The following SLCO1B3 variants were observed in gnomAD, a reference collection of about 807,000 sequenced individuals.
The protein encoded by SLCO1B3 is solute carrier organic anion transporter family member 1B3, also known as liver-specific organic anion transporter 2.
SLCO1B3 carries 72 observed loss-of-function variants against 71.8 expected under a neutral mutation model. That is an observed-to-expected ratio of 1.00 (90% confidence interval 0.83 to 1.22). The LOEUF is 1.22. Among genes scored for constraint, SLCO1B3 ranks in the 50% most tolerant of loss-of-function variants. The probability of loss-of-function intolerance (pLI) is 0.00; values close to 1 mark genes in which losing one functional copy is unlikely to be tolerated. For synonymous variants in SLCO1B3, 298 were observed against 278.4 expected (o/e 1.07, Z -0.70); for missense variants, 911 against 819.7 (o/e 1.11, Z -1.36).
rs184238804 is a variant in SLCO1B3 at position 20,871,093 on chromosome 12, T to A, written c.728-4142T>A. On this transcript the variant is annotated intron_variant, in intron 8 of 15. Coordinates refer to ENST00000381545, the MANE Select transcript of SLCO1B3 (RefSeq NM_019844.4). ...ATTGTTGAATTTGGTTTGTCACTAT[T>A]TTGTTGAGGATATTTGCATCAATAT... Among the ~76,000 whole-genome samples the A allele has an allele frequency of 8.5e-4, 129 of 152,296 alleles. 2 individuals are homozygous for A. The South Asian group carries it at 0.016, about 19-fold the overall frequency.
chr12:20,838,173 CA>C (rs1864723600), intron 3 of SLCO1B3, among the ~76,000 whole-genome samples: 1 of 151,384 alleles, frequency 6.6e-6, no homozygotes, highest in African/African-American at 2.4e-5. Flanking sequence ...GGTACATGTG[CA>C]CAACATGCAG....
At chr12:20,812,558 T>C (rs1220496826) in intron 1 of SLCO1B3, among the ~76,000 whole-genome samples, 1 of 152,208 alleles carries the variant, frequency 6.6e-6, no homozygotes, top group Non-Finnish European at 1.5e-5. Flanking sequence ...TCCATACATC[T>C]GCAAGTGCTT....
rs778497855 is a variant in SLCO1B3 at position 20,880,838 on chromosome 12, C to T, written c.1332-17C>T. ...CTCTTTCTCTTTTTTTGATATATTTCTATCATATATTTTCAGAAATAATTC... is the reference window on the plus strand; with the variant it reads ...CTCTTTCTCTTTTTTTGATATATTTTTATCATATATTTTCAGAAATAATTC... On this transcript the variant is annotated splice_polypyrimidine_tract_variant and intron_variant, in intron 11 of 15. Coordinates refer to ENST00000381545, the MANE Select transcript of SLCO1B3 (RefSeq NM_019844.4). 4.6e-6 allele frequency: 7 copies of T among 1,536,070 alleles called. No homozygotes were observed. The highest frequency in any genetic ancestry group is 6.2e-6 in the Non-Finnish European group (7 of 1,123,956).
At chr12:20,814,845 C>G (rs576209152) in intron 2 of SLCO1B3, among the ~76,000 whole-genome samples, 1 of 151,354 alleles carries the variant, frequency 6.6e-6, no homozygotes, top group Non-Finnish European at 1.5e-5. Flanking sequence ...TACAGTGAGC[C>G]GAGATCACGC....
intron 8 of SLCO1B3, among the ~76,000 whole-genome samples, chr12:20,864,825 C>T (rs956144515): frequency 2.0e-5 from 3 of 152,010 alleles, no homozygotes; most frequent in African/African-American, 7.2e-5. Context: ...ATTTTAATTC[C>T]TACAGGATCC....
chr12:20,910,406 T>C (rs1866349348), intron 15 of SLCO1B3, among the ~76,000 whole-genome samples: 1 of 152,212 alleles, frequency 6.6e-6, no homozygotes, highest in Non-Finnish European at 1.5e-5. Context: ...ATTGTGTTCT[T>C]ACACTTAAGT....
Position 20,897,655 on chromosome 12 carries a change from G to A in SLCO1B3, c.1683-781G>A, listed in dbSNP as rs191520369. On this transcript the variant is annotated intron_variant, in intron 13 of 15. Coordinates refer to ENST00000381545, the MANE Select transcript of SLCO1B3 (RefSeq NM_019844.4). ...TCTGAAAAAAACCATCCAACACTTC[G>A]AGGAGAAAAAAACCCTTTTTATCAG... 2.1e-3 allele frequency among the ~76,000 whole-genome samples: 320 copies of A among 152,162 alleles called. 1 individual carries two copies. Among genetic ancestry groups the A allele is most frequent in the Non-Finnish European group, 3.6e-3 (244 of 67,968 alleles).
chr12:20,832,794 A>G (rs1341737195), intron 3 of SLCO1B3, among the ~76,000 whole-genome samples: 1 of 152,148 alleles, frequency 6.6e-6, no homozygotes, highest in Admixed American at 6.6e-5. Context: ...TTTACTCCTG[A>G]ACACCCCATA....
At chr12:20,871,136 C>T (rs1308315248) in intron 8 of SLCO1B3, among the ~76,000 whole-genome samples, 1 of 152,064 alleles carries the variant, frequency 6.6e-6, no homozygotes, top group African/African-American at 2.4e-5. Context: ...AGAAATTGGC[C>T]TGTAGTTTTT....
chr12:20,816,825 A>G (rs1405782362), intron 3 of SLCO1B3, among the ~76,000 whole-genome samples: 1 of 152,192 alleles, frequency 6.6e-6, no homozygotes, highest in East Asian at 1.9e-4. Context: ...ACAGTGTACA[A>G]GGAATTCCTT....
At chr12:20,867,290 C>T (rs953866291) in intron 8 of SLCO1B3, among the ~76,000 whole-genome samples, 5 of 152,110 alleles carry the variant, frequency 3.3e-5, no homozygotes, top group East Asian at 1.9e-4. Context: ...CCGTTGAAGT[C>T]GCCATCATTG....
intron 3 of SLCO1B3, among the ~76,000 whole-genome samples, chr12:20,824,714 G>A (rs972476013): frequency 6.6e-6 from 1 of 152,132 alleles, no homozygotes; most frequent in African/African-American, 2.4e-5. Context: ...AAGGTTAAAT[G>A]TCATTGTTTA....
intron 4 of SLCO1B3, among the ~76,000 whole-genome samples, chr12:20,856,247 G>T (rs969766203): frequency 6.6e-6 from 1 of 152,094 alleles, no homozygotes; most frequent in Non-Finnish European, 1.5e-5. Flanking sequence ...ATCATTATCA[G>T]TTTGGTTTCT....
At chr12:20,876,540 A>T (rs1000960756) in intron 9 of SLCO1B3, among the ~76,000 whole-genome samples, 1 of 152,076 alleles carries the variant, frequency 6.6e-6, no homozygotes, top group African/African-American at 2.4e-5. Context: ...CCCAAGAGCA[A>T]TGGGATGGAT....
chr12:20,897,441 A>G (rs1015308343), intron 13 of SLCO1B3, among the ~76,000 whole-genome samples: 1 of 152,244 alleles, frequency 6.6e-6, no homozygotes, highest in African/African-American at 2.4e-5. Flanking sequence ...CATATGAGAT[A>G]AGCATTATCA....
chr12:20,833,434 CTATA>C (rs549997566), intron 3 of SLCO1B3, among the ~76,000 whole-genome samples: 8 of 149,192 alleles, frequency 5.4e-5, no homozygotes, highest in Non-Finnish European at 1.0e-4. Context: ...TATATGTTTA[CTATA>C]TATACACACA....
rs551095013 is a variant in SLCO1B3, at chr12:20,913,219, A to G, written c.1866-2785A>G. On this transcript the variant is annotated intron_variant, in intron 15 of 15. Transcript: ENST00000381545. ...ACATAATTGTGGGTTCATTTACATT[A>G]AGTATCCACTTAACATTGTCCATAG... Among the ~76,000 whole-genome samples the G allele has an allele frequency of 2.6e-4, 40 of 152,280 alleles. No individual in the cohort carries two copies. In the East Asian group the frequency reaches 7.3e-3, roughly 28 times the overall value.
At chr12:20,869,135 C>T (rs1260486236) in intron 8 of SLCO1B3, among the ~76,000 whole-genome samples, 3 of 150,734 alleles carry the variant, frequency 2.0e-5, no homozygotes, top group Admixed American at 6.6e-5. Context: ...TAAACTCCCC[C>T]GGGGAAAGGG....
rs150297966 is a variant in SLCO1B3 at position 20,877,716 on chromosome 12, T to A, written c.971-56T>A. The A allele has an allele frequency of 7.4e-5, 57 of 765,230 alleles. No individual in the cohort carries two copies. In the East Asian group the frequency reaches 1.4e-3, roughly 19 times the overall value. The allele number at this position is 765,230 out of a possible 1,614,324, so 47.4% of individuals were successfully genotyped here. A position where few individuals can be genotyped will look rare whatever the true frequency, so the allele number is the denominator to read the frequency against. The stretch of plus-strand genomic sequence containing the variant: ...TCTTATATAACTTATATTTACAAAA[T>A]TCAGATATTAATATATATTTTATTA... On this transcript the variant is annotated intron_variant, in intron 9 of 15. Coordinates refer to ENST00000381545, the MANE Select transcript of SLCO1B3 (RefSeq NM_019844.4).
Sources: gnomAD v4.1 joint callset for allele counts (sites outside exome capture counted in the v4.1 genomes callset) on GRCh38, gnomAD v4.1.1 for gene constraint, MANE v1.5 for transcripts, NCBI Gene and HGNC (gene_info 2026-07-23, HGNC 2026-07-21) for gene names.